BTBD16: variants seen among roughly 807,000 people sequenced by gnomAD.
The protein encoded by BTBD16 is BTB/POZ domain-containing protein 16.
BTBD16 carries 66 observed loss-of-function variants against 67.4 expected under a neutral mutation model. The observed-to-expected ratio is 0.98, with a 90% confidence interval of 0.80 to 1.20. BTBD16 has a LOEUF of 1.20. Among genes scored for constraint, BTBD16 ranks in the 50% most tolerant of loss-of-function variants. The pLI is 0.00. For synonymous variants in BTBD16, 242 were observed against 236.4 expected (o/e 1.02, Z -0.22); for missense variants, 634 against 616.0 (o/e 1.03, Z -0.31).
rs60823097 is a variant in BTBD16 at position 122,284,673 on chromosome 10, A to ATT, written c.241+772_241+773dup. 6.7e-4 allele frequency among the ~76,000 whole-genome samples: 84 copies of ATT among 124,662 alleles called. 1 individual carries two copies. Among genetic ancestry groups the ATT allele is most frequent in the African/African-American group, 1.6e-3 (55 of 34,570 alleles). 81.8% of individuals were successfully genotyped at this position (124,662 alleles called of 152,430 possible). ...ATGAGGAGGCAGCTTCTTAAAGTGG[A>ATT]TTTTTTTTTTTTTTTTTTTTTTTTG... is the stretch of plus-strand genomic sequence containing the variant. On this transcript the variant is annotated intron_variant, in intron 4 of 15. Coordinates refer to ENST00000260723, the MANE Select transcript of BTBD16 (RefSeq NM_144587.5).
chr10:122,319,931 A>G (rs924461866), intron 10 of BTBD16, among the ~76,000 whole-genome samples: 5 of 152,154 alleles, frequency 3.3e-5, no homozygotes, highest in Non-Finnish European at 7.4e-5. Context: ...AGTGTTTAGA[A>G]AATTTATCTC....
rs143974351 is a variant in BTBD16, at chr10:122,295,798, G to A, written c.591-1970G>A. Among the ~76,000 whole-genome samples, 928 of 152,282 alleles carry A rather than the reference G, an allele frequency of 6.1e-3. 15 individuals are homozygous for A. The highest frequency in any genetic ancestry group is 0.02 in the African/African-American group (828 of 41,554). On this transcript the variant is annotated intron_variant, in intron 7 of 15. Transcript: ENST00000260723. Reference sequence around the variant, plus strand: ...TCAAGACAACTCCTTCTAATGGGTAGAGTCAGTCTCCCTGTCTGAAGGGCC... The same window carrying A: ...TCAAGACAACTCCTTCTAATGGGTAAAGTCAGTCTCCCTGTCTGAAGGGCC...
At chr10:122,323,391 T>TGTA (rs1215660404) in intron 10 of BTBD16, among the ~76,000 whole-genome samples, 1 of 152,190 alleles carries the variant, frequency 6.6e-6, no homozygotes, top group East Asian at 1.9e-4. Flanking sequence ...GACTCTCCAG[T>TGTA]TGCTTTGTGT....
intron 13 of BTBD16, 67 bp from the exon 14 acceptor site, chr10:122,334,814 G>A (rs1253923525): frequency 1.1e-5 from 11 of 986,410 alleles, no homozygotes; most frequent in South Asian, 5.3e-5. Context: ...GAACCACCAC[G>A]CCCGGGTGAC....
chr10:122,293,854 C>T (rs2096378435), intron 7 of BTBD16, among the ~76,000 whole-genome samples: 1 of 152,162 alleles, frequency 6.6e-6, no homozygotes, highest in Admixed American at 6.5e-5. Context: ...CACCTTCTGT[C>T]TCCAAGCCTC....
intron 10 of BTBD16, among the ~76,000 whole-genome samples, chr10:122,323,300 G>T (rs1044621950): frequency 1.3e-5 from 2 of 152,188 alleles, no homozygotes; most frequent in Non-Finnish European, 2.9e-5. Flanking sequence ...ATCTTGATTT[G>T]CAACTTTCTC....
At chr10:122,283,692 C>A (rs923907467) in intron 3 of BTBD16, 159 bp from the exon 4 acceptor site, 1 of 163,192 alleles carries the variant, frequency 6.1e-6, no homozygotes, top group Non-Finnish European at 1.3e-5. Flanking sequence ...TTTTTCAGAT[C>A]GGCAAATGGT....
At chr10:122,288,791 C>A (rs2096368515) in intron 5 of BTBD16, among the ~76,000 whole-genome samples, 1 of 152,068 alleles carries the variant, frequency 6.6e-6, no homozygotes, top group Non-Finnish European at 1.5e-5. Context: ...TGTGAGAAGA[C>A]CCCCGATGAG....
intron 9 of BTBD16, among the ~76,000 whole-genome samples, chr10:122,299,389 C>A (rs12217181): frequency 2.0e-5 from 3 of 151,978 alleles, no homozygotes; most frequent in Non-Finnish European, 4.4e-5. Flanking sequence ...CACCTGGGTG[C>A]GAAAAATGAA....
rs894147614 is a variant in BTBD16 at position 122,297,153 on chromosome 10, G to A, written c.591-615G>A. Among the ~76,000 whole-genome samples the A allele has an allele frequency of 2.6e-5, 4 of 152,318 alleles. No individual in the cohort carries two copies. In the South Asian group the frequency reaches 8.3e-4, roughly 32 times the overall value. ...ACCCTTAACATGACTGCCAAATGTG[G>A]TTATCTGTCTGAAAGTTGACTTAAC... On this transcript the variant is annotated intron_variant, in intron 7 of 15. Transcript: ENST00000260723.
At chr10:122,315,081 C>T (rs752532794) in intron 10 of BTBD16, among the ~76,000 whole-genome samples, 43 of 152,122 alleles carry the variant, frequency 2.8e-4, no homozygotes, top group African/African-American at 7.5e-4. Context: ...TTTTTAATCA[C>T]GAGTGAATCT....
intron 2 of BTBD16, among the ~76,000 whole-genome samples, chr10:122,276,085 T>A (rs1390918794): frequency 6.6e-6 from 1 of 152,226 alleles, no homozygotes; most frequent in Non-Finnish European, 1.5e-5. Context: ...ATGTGAAAGA[T>A]GCCATCCACA....
At chr10:122,282,669 G>T (rs2096355519) in intron 3 of BTBD16, among the ~76,000 whole-genome samples, 1 of 152,214 alleles carries the variant, frequency 6.6e-6, no homozygotes, top group African/African-American at 2.4e-5. Flanking sequence ...TATCTATGTG[G>T]TCATGGATTC....
intron 7 of BTBD16, among the ~76,000 whole-genome samples, chr10:122,293,127 GA>G (rs1375193286): frequency 1.3e-5 from 2 of 152,184 alleles, no homozygotes; most frequent in African/African-American, 2.4e-5. Flanking sequence ...ATAAAGAAGA[GA>G]TCAGGGCAGG....
chr10:122,314,818 C>G (rs1415165660), intron 10 of BTBD16, among the ~76,000 whole-genome samples: 1 of 152,074 alleles, frequency 6.6e-6, no homozygotes, highest in Non-Finnish European at 1.5e-5. Flanking sequence ...TTATCTCTTT[C>G]TCTCCAAATC....
chr10:122,282,374 C>G (rs879521457), intron 3 of BTBD16, among the ~76,000 whole-genome samples: 2 of 152,188 alleles, frequency 1.3e-5, no homozygotes, highest in African/African-American at 2.4e-5. Context: ...CTGCCTTAGG[C>G]TGAGTCATTG....
chr10:122,329,427 T>C (rs2096451138), intron 10 of BTBD16, 53 bp from the exon 11 acceptor site: 1 of 1,572,376 alleles, frequency 6.4e-7, no homozygotes, highest in African/African-American at 1.3e-5. Flanking sequence ...CCGAGCTAAT[T>C]CCAGAGAGGA....
At chr10:122,332,555 C>T in intron 13 of BTBD16, 42 bp downstream of exon 13, 4 of 1,584,244 alleles carry the variant, frequency 2.5e-6, no homozygotes, top group Non-Finnish European at 3.5e-6. Flanking sequence ...AACTGTTCCT[C>T]TCGTGCTTAG....
chr10:122,296,054 C>T (rs1331379568), intron 7 of BTBD16, among the ~76,000 whole-genome samples: 1 of 151,934 alleles, frequency 6.6e-6, no homozygotes, highest in African/African-American at 2.4e-5. Context: ...GCCATACATT[C>T]AGCTCTGAAC....
Sources: allele counts gnomAD v4.1 joint callset (sites outside exome capture counted in the v4.1 genomes callset), GRCh38; gene constraint gnomAD v4.1.1; transcripts MANE v1.5; gene names NCBI Gene and HGNC (gene_info 2026-07-23, HGNC 2026-07-21).